Variants in AGO2 observed in about 807,000 individuals in gnomAD.
AGO2 encodes the protein argonaute RISC catalytic component 2.
A neutral mutation model predicts 102.3 loss-of-function variants in AGO2; 5 were observed. That is an observed-to-expected ratio of 0.05 (90% confidence interval 0.03 to 0.10). AGO2 has a LOEUF of 0.10. Among genes scored for constraint, AGO2 ranks in the 10% least tolerant of loss-of-function variants. The pLI is 1.00. For synonymous variants in AGO2, 449 were observed against 473.1 expected, an observed-to-expected ratio of 0.95 and a Z score of 0.66; for missense variants, 541 against 1,183.7, an observed-to-expected ratio of 0.46 and a Z score of 7.97.
At position 140,598,555 on chromosome 8, in the gene AGO2, T is replaced by C. The variant is rs541117489; in HGVS notation, c.23-13244A>G. ...CGGTGCCGTAGGATCACCGGTCCAC[T>C]CTGCGCGGCAGCACCGCACCCCGGA... On this transcript the variant is annotated intron_variant, in intron 1 of 18. Coordinates refer to ENST00000220592, the MANE Select transcript of AGO2 (RefSeq NM_012154.5). Among the ~76,000 whole-genome samples, 18 of 152,288 alleles carry C rather than the reference T, an allele frequency of 1.2e-4. 1 individual carries two copies. Among genetic ancestry groups the C allele is most frequent in the Middle Eastern group, 6.8e-3 (2 of 294 alleles).
Position 140,520,276 on chromosome 8 carries a change from C to G in AGO2, c.*11768G>C, listed in dbSNP as rs913316540. Reference sequence around the variant, plus strand: ...ACATCATATTTTATCAGATTTACAGCATTCTGTGCATGTTAGGGGTTATGT... The same window carrying G: ...ACATCATATTTTATCAGATTTACAGGATTCTGTGCATGTTAGGGGTTATGT... On this transcript the variant is annotated 3_prime_UTR_variant, in exon 19 of 19. Transcript: ENST00000220592. 1 of 152,098 alleles carries G rather than the reference C, an allele frequency of 6.6e-6. No homozygotes were observed. Among genetic ancestry groups the G allele is most frequent in the Non-Finnish European group, 1.5e-5 (1 of 68,036 alleles). 9.4% of individuals were successfully genotyped at this position (152,098 alleles called of 1,614,324 possible).
Position 140,544,217 on chromosome 8 carries a change from G to A in AGO2, c.1835C>T (p.Ala612Val). 6.3e-7 allele frequency: 1 copy of A among 1,586,548 alleles called. No individual in the cohort carries two copies. Among genetic ancestry groups the A allele is most frequent in the Admixed American group, 1.9e-5 (1 of 52,734 alleles). ...PAGDGKKPSI[A>V]AVVGSMDAHP... ...TGGGGAAGCGCTGACACTCACGGCG[G>A]CAATGGAGGGCTTCTTCCCATCCCC... Residue 612 changes from alanine (A) to valine (V), a missense_variant, in exon 14 of 19, where the codon GCC becomes GTC. By Grantham distance (64) the Ala-to-Val change is moderately conservative. Coordinates refer to ENST00000220592, the MANE Select transcript of AGO2 (RefSeq NM_012154.5).
intron 3 of AGO2, among the ~76,000 whole-genome samples, chr8:140,565,515 G>A (rs1048086014): frequency 2.7e-5 from 4 of 148,412 alleles, no homozygotes; most frequent in Non-Finnish European, 4.5e-5. Context: ...GGTGGTGGGC[G>A]CCTTAATCCC....
chr8:140,527,948 C>T lies in AGO2; in HGVS notation c.*4096G>A, dbSNP rs533308717. The stretch of plus-strand genomic sequence containing the variant: ...AGGACTCATCCAGTTCCCAGAGGCG[C>T]AGGGAACAAGCCACGGGCCACCCCA... On this transcript the variant is annotated 3_prime_UTR_variant, in exon 19 of 19. Transcript: ENST00000220592. This position sits in a 1 kb window ranked among gnomAD's most constrained non-coding sequence, Gnocchi z 6.0. 6.6e-6 allele frequency: 1 copy of T among 152,384 alleles called. No individual in the cohort carries two copies. Among genetic ancestry groups the T allele is most frequent in the East Asian group, 1.9e-4 (1 of 5,186 alleles). 9.4% of individuals were successfully genotyped at this position (152,384 alleles called of 1,614,324 possible). A position where few individuals can be genotyped will look rare whatever the true frequency, so the allele number is the denominator to read the frequency against.
chr8:140,545,716 T>C (rs908204932), intron 13 of AGO2, among the ~76,000 whole-genome samples: 15 of 152,110 alleles, frequency 9.9e-5, no homozygotes, highest in South Asian at 6.2e-4. Context: ...CACAGCCCAA[T>C]CCCACCTGCC....
intron 1 of AGO2, among the ~76,000 whole-genome samples, chr8:140,614,189 C>T (rs1412847703): frequency 6.6e-6 from 1 of 151,754 alleles, no homozygotes; most frequent in Non-Finnish European, 1.5e-5. Context: ...CTGGGCGTGG[C>T]GTGTGCTTGT....
intron 2 of AGO2, among the ~76,000 whole-genome samples, chr8:140,583,440 T>C (rs942728172): frequency 1.3e-5 from 2 of 152,232 alleles, no homozygotes; most frequent in Non-Finnish European, 2.9e-5. Context: ...GGCAATTTCA[T>C]TGCAGTGTGA....
Position 140,530,396 on chromosome 8 carries a change from G to C in AGO2, c.*1648C>G, listed in dbSNP as rs1319012518. ...GAGGTAAGTGTCGCGCAGGGCCGGG[G>C]AGGGAACAGCAGCAGGAAGAGGGGA... On this transcript the variant is annotated 3_prime_UTR_variant, in exon 19 of 19. Transcript: ENST00000220592. 6.6e-6 allele frequency: 1 copy of C among 152,484 alleles called. No homozygotes were observed. Among genetic ancestry groups the C allele is most frequent in the Non-Finnish European group, 1.5e-5 (1 of 68,208 alleles). The allele number at this position is 152,484 out of a possible 1,614,324, so 9.4% of individuals were successfully genotyped here. A position where few individuals can be genotyped will look rare whatever the true frequency, so the allele number is the denominator to read the frequency against.
At chr8:140,550,673 A>G (rs1224457312) in intron 11 of AGO2, among the ~76,000 whole-genome samples, 2 of 151,970 alleles carry the variant, frequency 1.3e-5, no homozygotes, top group African/African-American at 2.4e-5. Context: ...GTGGAGTGCA[A>G]TGGTGTGATC....
chr8:140,532,793 G>C, intron 17 of AGO2, 178 bp from the exon 18 acceptor site: 1 of 609,050 alleles, frequency 1.6e-6, no homozygotes. Flanking sequence ...TCAGGAGTTC[G>C]AGTCCAGCCT....
intron 1 of AGO2, among the ~76,000 whole-genome samples, chr8:140,619,431 G>A (rs575269276): frequency 2.6e-4 from 40 of 152,306 alleles, no homozygotes; most frequent in African/African-American, 8.7e-4. Context: ...GCAATGCTGG[G>A]GCCCAGAGGC....
At chr8:140,596,482 C>G (rs984385826) in intron 1 of AGO2, among the ~76,000 whole-genome samples, 1 of 152,170 alleles carries the variant, frequency 6.6e-6, no homozygotes, top group Non-Finnish European at 1.5e-5. Context: ...ACTCGGGAGG[C>G]TGAGATGGGA....
intron 2 of AGO2, among the ~76,000 whole-genome samples, chr8:140,581,564 G>C (rs1041923035): frequency 2.0e-5 from 3 of 152,066 alleles, no homozygotes; most frequent in African/African-American, 7.2e-5. Context: ...CTCTCATTCT[G>C]GTTCTAGGAG....
Position 140,535,590 on chromosome 8 carries a change from C to T in AGO2, c.2170-21G>A, listed in dbSNP as rs185566423. 72 of 1,612,830 alleles carry T rather than the reference C, an allele frequency of 4.5e-5. No homozygotes were observed. The Admixed American group carries it at 1.1e-3, about 26-fold the overall frequency. On this transcript the variant is annotated intron_variant, in intron 16 of 18. Coordinates refer to ENST00000220592, the MANE Select transcript of AGO2 (RefSeq NM_012154.5). ...CCAACCTTCGGCAACACAGGCATCT[C>T]GTTAGACACGGCCAGGGACCGGCAG...
At position 140,574,158 on chromosome 8, in the gene AGO2, T is replaced by A. The variant is rs911910740; in HGVS notation, c.216-1226A>T. Among the ~76,000 whole-genome samples, 44 of 58,982 alleles carry A rather than the reference T, an allele frequency of 7.5e-4. 1 individual carries two copies. In the South Asian group the frequency reaches 0.021, roughly 28 times the overall value. 38.7% of individuals were successfully genotyped at this position (58,982 alleles called of 152,430 possible). A position where few individuals can be genotyped will look rare whatever the true frequency, so the allele number is the denominator to read the frequency against. The stretch of plus-strand genomic sequence containing the variant: ...CCCCCCAACCCCCACTTCCCCACCG[T>A]GACAGAGAGGCCTCCAGAAACACAC... On this transcript the variant is annotated intron_variant, in intron 2 of 18. Transcript: ENST00000220592.
intron 1 of AGO2, among the ~76,000 whole-genome samples, chr8:140,623,393 G>A (rs1315295220): frequency 2.6e-5 from 4 of 152,086 alleles, no homozygotes; most frequent in East Asian, 1.9e-4. Flanking sequence ...TGCGCTACAC[G>A]CCACTGAATT....
chr8:140,577,859 G>A (rs1043884508), intron 2 of AGO2, among the ~76,000 whole-genome samples: 1 of 152,220 alleles, frequency 6.6e-6, no homozygotes, highest in African/African-American at 2.4e-5. Context: ...TGATCACTCC[G>A]CTCACTGACG....
chr8:140,558,828 G>GC (rs375145157), intron 6 of AGO2, among the ~76,000 whole-genome samples: 45 of 152,276 alleles, frequency 3.0e-4, no homozygotes, highest in African/African-American at 1.1e-3. Flanking sequence ...GCTGTTCTGC[G>GC]CCCCCCATGG....
chr8:140,535,645 C>A, intron 16 of AGO2, 76 bp from the exon 17 acceptor site: 3 of 1,410,208 alleles, frequency 2.1e-6, no homozygotes, highest in South Asian at 1.2e-5. Context: ...GCAGCCGCGC[C>A]GCCCGCTGGC....
Sources: gnomAD v4.1 joint callset for allele counts (sites outside exome capture counted in the v4.1 genomes callset) on GRCh38, gnomAD v4.1.1 for gene constraint, Gnocchi (gnomAD v3.1) non-coding constraint, MANE v1.5 for transcripts, NCBI Gene and HGNC (gene_info 2026-07-23, HGNC 2026-07-21) for gene names.